PIGX: variants seen among roughly 807,000 people sequenced by gnomAD.
The protein encoded by PIGX is phosphatidylinositol glycan anchor biosynthesis class X.
PIGX carries 24 observed loss-of-function variants against 28.7 expected under a neutral mutation model. The observed-to-expected ratio is 0.84, with a 90% CI of 0.60 to 1.17. The LOEUF (loss-of-function observed/expected upper bound fraction) is 1.17. Ranked by LOEUF, PIGX falls within the 50% of genes most tolerant of loss-of-function variation. The probability of loss-of-function intolerance (pLI) is 0.00; values close to 1 mark genes in which losing one functional copy is unlikely to be tolerated. For synonymous variants in PIGX, 127 were observed against 121.0 expected, an observed-to-expected ratio of 1.05 and a Z score of -0.33; for missense variants, 305 against 317.8, an observed-to-expected ratio of 0.96 and a Z score of 0.31.
At chr3:196,731,971 G>A (rs192717524) in intron 5 of PIGX, among the ~76,000 whole-genome samples, 35 of 149,070 alleles carry the variant, frequency 2.3e-4, no homozygotes, top group African/African-American at 7.4e-4. Flanking sequence ...GACTATAGGC[G>A]CCTGCCACCA....
chr3:196,722,356 A>G, intron 2 of PIGX, 59 bp from the exon 3 acceptor site: 1 of 1,265,694 alleles, frequency 7.9e-7, no homozygotes, highest in Non-Finnish European at 1.1e-6. Flanking sequence ...ATACAGTGTT[A>G]TGTTATCTCA....
At chr3:196,720,070 G>T (rs1354524060) in intron 2 of PIGX, among the ~76,000 whole-genome samples, 1 of 152,200 alleles carries the variant, frequency 6.6e-6, no homozygotes, top group African/African-American at 2.4e-5. Flanking sequence ...GAGCCACCGC[G>T]CCCGGCCTAA....
intron 2 of PIGX, among the ~76,000 whole-genome samples, chr3:196,720,202 G>C (rs1347135658): frequency 1.3e-5 from 2 of 152,120 alleles, no homozygotes; most frequent in Admixed American, 1.3e-4. Flanking sequence ...CTTGCCTATT[G>C]AGCAATAACT....
At position 196,723,118 on chromosome 3, in the gene PIGX, G is replaced by T. The variant is rs530729029; in HGVS notation, c.318+562G>T. ...GCACTTTGGGAGGCCAAGGCAGGCA[G>T]ATTGCCTGAGCTTGGGAATTCGAAA... On this transcript the variant is annotated intron_variant, in intron 3 of 5. Coordinates refer to ENST00000392391, the MANE Select transcript of PIGX (RefSeq NM_017861.4). Among the ~76,000 whole-genome samples, 4 of 152,272 alleles carry T rather than the reference G, an allele frequency of 2.6e-5. No individual in the cohort carries two copies. In the South Asian group the frequency reaches 6.2e-4, roughly 24 times the overall value.
At chr3:196,730,223 A>C (rs1254419490) in intron 4 of PIGX, among the ~76,000 whole-genome samples, 1 of 152,136 alleles carries the variant, frequency 6.6e-6, no homozygotes, top group South Asian at 2.1e-4. Flanking sequence ...TTCTGTTTCT[A>C]TTAAAGGTAC....
intron 4 of PIGX, among the ~76,000 whole-genome samples, chr3:196,730,000 G>A (rs984020381): frequency 1.7e-4 from 26 of 151,452 alleles, no homozygotes; most frequent in African/African-American, 6.3e-4. Context: ...AACCTGGGAG[G>A]CGGAGGTTTC....
Position 196,712,426 on chromosome 3 carries a change from C to T in PIGX, c.-107C>T, listed in dbSNP as rs1189065888. ...GCGCGCACCCAGCACTCGGTCCCAGCCGATAAATCTGGGGCAGCGCGCGGT... is the reference window on the plus strand; with the variant it reads ...GCGCGCACCCAGCACTCGGTCCCAGTCGATAAATCTGGGGCAGCGCGCGGT... On this transcript the variant is annotated 5_prime_UTR_variant, in exon 1 of 6. Transcript: ENST00000392391. 1.1e-5 allele frequency: 5 copies of T among 443,762 alleles called. No individual in the cohort carries two copies. The highest frequency in any genetic ancestry group is 1.6e-5 in the Non-Finnish European group (5 of 306,846). 27.5% of individuals were successfully genotyped at this position (443,762 alleles called of 1,614,324 possible).
chr3:196,731,112 TG>T lies in PIGX; in HGVS notation c.633+21del, dbSNP rs755331219. The T allele has an allele frequency of 2.7e-5, 35 of 1,317,642 alleles. No homozygotes were observed. The highest frequency in any genetic ancestry group is 3.8e-5 in the Non-Finnish European group (35 of 912,592). The allele number at this position is 1,317,642 out of a possible 1,614,324, so 81.6% of individuals were successfully genotyped here. A position where few individuals can be genotyped will look rare whatever the true frequency, so the allele number is the denominator to read the frequency against. On this transcript the variant is annotated intron_variant, in intron 5 of 5. Transcript: ENST00000392391. ...AAATCAGTAAGCTAATGTTTTATGT[TG>T]TTTTTTAGATCATGTGCCTCATTTA...
chr3:196,730,487 C>T (rs573114218), intron 4 of PIGX, among the ~76,000 whole-genome samples: 14 of 152,070 alleles, frequency 9.2e-5, no homozygotes, highest in South Asian at 2.1e-4. Flanking sequence ...TAGTGGCTCA[C>T]GCCTGTAATC....
chr3:196,722,181 C>T (rs1397370506), intron 2 of PIGX, among the ~76,000 whole-genome samples: 1 of 152,102 alleles, frequency 6.6e-6, no homozygotes, highest in Admixed American at 6.6e-5. Flanking sequence ...GATTCCATTC[C>T]TTTTCATTGA....
intron 1 of PIGX, among the ~76,000 whole-genome samples, chr3:196,715,623 G>A (rs534276140): frequency 2.0e-5 from 3 of 152,062 alleles, no homozygotes; most frequent in Non-Finnish European, 2.9e-5. Flanking sequence ...AATGGATTCA[G>A]CAATATTCAA....
intron 2 of PIGX, among the ~76,000 whole-genome samples, chr3:196,717,378 A>C (rs1712143167): frequency 1.3e-5 from 2 of 152,140 alleles, no homozygotes; most frequent in Admixed American, 1.3e-4. Context: ...CTTTGAAATA[A>C]TGATTAACTG....
intron 5 of PIGX, among the ~76,000 whole-genome samples, chr3:196,732,068 C>T (rs997411401): frequency 9.3e-5 from 14 of 150,346 alleles, no homozygotes; most frequent in Non-Finnish European, 1.9e-4. Flanking sequence ...TCAGGTGATC[C>T]ACCCCCGTCA....
In PIGX at chr3:196,712,583, G is replaced by A. The variant is rs745911599; in HGVS notation, c.51G>A (p.Gly17=). The A allele has an allele frequency of 8.4e-7, 1 of 1,190,564 alleles. No homozygotes were observed. The highest frequency in any genetic ancestry group is 1.0e-6 in the Non-Finnish European group (1 of 961,414). The allele number at this position is 1,190,564 out of a possible 1,614,324, so 73.8% of individuals were successfully genotyped here. A position where few individuals can be genotyped will look rare whatever the true frequency, so the allele number is the denominator to read the frequency against. ...GGGCGGCCGCCTGGCTGCTCCTCGGGGCGGCGACCGGGCTCACGCGCGGGC... is the reference window on the plus strand; with the variant it reads ...GGGCGGCCGCCTGGCTGCTCCTCGGAGCGGCGACCGGGCTCACGCGCGGGC... Residue 17 remains glycine (G), a synonymous_variant, in exon 1 of 6, where the codon GGG becomes GGA. Coordinates refer to ENST00000392391, the MANE Select transcript of PIGX (RefSeq NM_017861.4).
rs1712965344 is a variant in PIGX, at chr3:196,735,308, A to AAAAAAAAAAAAAAAAAAAAAAAAT, written c.*1422_*1423insAAAAAAATAAAAAAAAAAAAAAAA. ...AGACTCTGTCTCAAAAAAAAAAAAA[A>AAAAAAAAAAAAAAAAAAAAAAAAT]AAAAAAAAAAAAAAAAGTAAATAAA... On this transcript the variant is annotated 3_prime_UTR_variant, in exon 6 of 6. Transcript: ENST00000392391. 6.7e-6 allele frequency: 1 copy of AAAAAAAAAAAAAAAAAAAAAAAAT among 148,344 alleles called. No homozygotes were observed. Among genetic ancestry groups the AAAAAAAAAAAAAAAAAAAAAAAAT allele is most frequent in the Non-Finnish European group, 1.5e-5 (1 of 67,342 alleles). The allele number at this position is 148,344 out of a possible 1,614,324, so 9.2% of individuals were successfully genotyped here.
chr3:196,732,216 TTATATATATATATA>T (rs1175656364), intron 5 of PIGX, among the ~76,000 whole-genome samples: 2,185 of 51,356 alleles, frequency 0.043, 145 homozygotes, highest in Middle Eastern at 0.056. Flanking sequence ...TATATATTAT[TTATATATATATATA>T]TATATATATA....
rs962607538 is a variant in PIGX at position 196,734,951 on chromosome 3, A to G, written c.*1049A>G. The stretch of plus-strand genomic sequence containing the variant: ...AAACAAAGGTTCTTCATTTACTGTT[A>G]TGATTGGAAAAAAATTAGAAAATAA... On this transcript the variant is annotated 3_prime_UTR_variant, in exon 6 of 6. Transcript: ENST00000392391. The G allele has an allele frequency of 1.3e-5, 2 of 152,142 alleles. No individual in the cohort carries two copies. Among genetic ancestry groups the G allele is most frequent in the African/African-American group, 4.8e-5 (2 of 41,422 alleles). 9.4% of individuals were successfully genotyped at this position (152,142 alleles called of 1,614,324 possible). A position where few individuals can be genotyped will look rare whatever the true frequency, so the allele number is the denominator to read the frequency against.
At chr3:196,730,747 CAAAAAAAA>C (rs965830812) in intron 4 of PIGX, among the ~76,000 whole-genome samples, 4 of 40,732 alleles carry the variant, frequency 9.8e-5, no homozygotes, top group African/African-American at 3.2e-4. Flanking sequence ...GACTCTGTCT[CAAAAAAAA>C]AAAAAAAAAA....
At chr3:196,712,824 G>A (rs1265841338) in intron 1 of PIGX, 180 bp downstream of exon 1, 1 of 1,100,962 alleles carries the variant, frequency 9.1e-7, no homozygotes, top group Non-Finnish European at 1.1e-6. Flanking sequence ...GCTCTGCGGC[G>A]GATCCCGGGT....
Sources: allele counts gnomAD v4.1 joint callset (sites outside exome capture counted in the v4.1 genomes callset), GRCh38; gene constraint gnomAD v4.1.1; transcripts MANE v1.5; gene names NCBI Gene and HGNC (gene_info 2026-07-23, HGNC 2026-07-21).